Variants in ANO4 observed in about 807,000 individuals in gnomAD.
The protein encoded by ANO4 is anoctamin 4, also known as anoctamin-4.
In ANO4, 69 loss-of-function variants were observed where a neutral mutation model predicts 141.9. The ratio of observed to expected loss-of-function variants is 0.49; its 90% CI spans 0.40 to 0.59. ANO4 has a LOEUF of 0.59. Among genes scored for constraint, ANO4 ranks in the 20% least tolerant of loss-of-function variants. ANO4 has a pLI of 0.00. For synonymous variants in ANO4, 350 were observed against 394.3 expected (o/e 0.89, Z 1.33); for missense variants, 894 against 1,162.2 (o/e 0.77, Z 3.36).
chr12:100,872,290 A>T (rs747415615), intron 1 of ANO4, among the ~76,000 whole-genome samples: 1 of 152,074 alleles, frequency 6.6e-6, no homozygotes, highest in Non-Finnish European at 1.5e-5. Flanking sequence ...TCACAACATG[A>T]TGGATCCTGT....
At chr12:100,866,626 C>G (rs772301267) in intron 1 of ANO4, among the ~76,000 whole-genome samples, 14 of 152,096 alleles carry the variant, frequency 9.2e-5, no homozygotes, top group Admixed American at 7.2e-4. Context: ...TAGGGGCTGT[C>G]TTTGCTTCCA....
chr12:101,043,859 C>A (rs2047517034), intron 13 of ANO4, among the ~76,000 whole-genome samples: 1 of 152,156 alleles, frequency 6.6e-6, no homozygotes, highest in African/African-American at 2.4e-5. Context: ...TGCAGCATGG[C>A]ACAGTGTGAG....
intron 1 of ANO4, chr12:100,733,699 A>G: frequency 1.6e-6 from 1 of 643,198 alleles, no homozygotes; most frequent in Non-Finnish European, 2.8e-6. Flanking sequence ...ATTTACCACC[A>G]GTCATATATT....
chr12:100,954,733 C>G (rs59475980), intron 5 of ANO4, among the ~76,000 whole-genome samples: 3,253 of 152,274 alleles, frequency 0.021, 106 homozygotes, highest in African/African-American at 0.074. Flanking sequence ...GCCTTTGAGA[C>G]AGAGGAGCAG....
chr12:100,802,368 C>A (rs2034750227), intron 1 of ANO4, among the ~76,000 whole-genome samples: 1 of 152,070 alleles, frequency 6.6e-6, no homozygotes, highest in East Asian at 1.9e-4. Flanking sequence ...AATATGATTT[C>A]TGCTTGCCTT....
intron 1 of ANO4, among the ~76,000 whole-genome samples, chr12:100,862,423 G>A (rs1389994185): frequency 6.6e-6 from 1 of 152,188 alleles, no homozygotes; most frequent in African/African-American, 2.4e-5. Flanking sequence ...CCAGGTTCAA[G>A]TGATTCTCTT....
intron 1 of ANO4, among the ~76,000 whole-genome samples, chr12:100,889,740 C>T (rs1419682984): frequency 1.3e-5 from 2 of 152,158 alleles, no homozygotes; most frequent in South Asian, 2.1e-4. Flanking sequence ...CAGGAAACAA[C>T]AGGTGCTGGA....
intron 8 of ANO4, among the ~76,000 whole-genome samples, chr12:100,993,499 A>G (rs1045511272): frequency 2.6e-5 from 4 of 152,104 alleles, no homozygotes; most frequent in Admixed American, 2.6e-4. Flanking sequence ...AGGCGAGGCT[A>G]CCTGTCTAAA....
intron 21 of ANO4, 40 bp downstream of exon 21, chr12:101,097,985 T>C (rs756585582): frequency 2.5e-6 from 4 of 1,570,058 alleles, no homozygotes; most frequent in African/African-American, 1.4e-5. Flanking sequence ...GCAGCATTGC[T>C]CATTATTGGC....
intron 3 of ANO4, among the ~76,000 whole-genome samples, chr12:100,931,069 C>T (rs1411525968): frequency 1.3e-5 from 2 of 152,060 alleles, no homozygotes; most frequent in East Asian, 1.9e-4. Flanking sequence ...AAACTTAAAC[C>T]TCCTTTTTTC....
chr12:100,850,879 A>G (rs953440947), intron 1 of ANO4, among the ~76,000 whole-genome samples: 3 of 152,178 alleles, frequency 2.0e-5, no homozygotes, highest in Non-Finnish European at 4.4e-5. Context: ...TATGAAAATT[A>G]CATATTTTTT....
chr12:101,094,285 G>T lies in ANO4; in HGVS notation c.1731G>T (p.Thr577=). Residue 577 remains threonine (T), a synonymous_variant, in exon 18 of 28, where the codon ACG becomes ACT. Coordinates refer to ENST00000392977, the MANE Select transcript of ANO4 (RefSeq NM_001286615.2). ...VLYEKVALLL[T]NLEQPRTESE... is the part of the protein sequence containing the mutation. ...ATGAAAAAGTTGCCCTGCTTCTGAC[G>T]AATTTAGGTGAGTGGAATCCTTTCT... The T allele has an allele frequency of 6.2e-7, 1 of 1,609,764 alleles. No homozygotes were observed. The highest frequency in any genetic ancestry group is 1.7e-5 in the Admixed American group (1 of 59,932).
chr12:100,730,317 C>G (rs577525115), intron 1 of ANO4, among the ~76,000 whole-genome samples: 3 of 151,984 alleles, frequency 2.0e-5, no homozygotes, highest in Non-Finnish European at 4.4e-5. Context: ...TCCCCTGCCC[C>G]CCAAGAGTGA....
intron 7 of ANO4, among the ~76,000 whole-genome samples, chr12:100,985,339 A>G (rs2044661847): frequency 6.6e-6 from 1 of 152,236 alleles, no homozygotes; most frequent in Non-Finnish European, 1.5e-5. Context: ...ATTTTTGGAA[A>G]AAAGAGAAAA....
intron 3 of ANO4, among the ~76,000 whole-genome samples, chr12:100,788,608 T>C (rs957398550): frequency 1.3e-5 from 2 of 152,222 alleles, no homozygotes; most frequent in Non-Finnish European, 2.9e-5. Flanking sequence ...GAGTCAGAGA[T>C]AGCTGGAATT....
chr12:100,834,594 G>A (rs1351714191), intron 1 of ANO4, among the ~76,000 whole-genome samples: 2 of 152,088 alleles, frequency 1.3e-5, no homozygotes, highest in South Asian at 2.1e-4. Context: ...GTATATAGCA[G>A]TGTATACATA....
intron 8 of ANO4, among the ~76,000 whole-genome samples, chr12:100,989,364 T>C (rs2044929909): frequency 6.6e-6 from 1 of 152,244 alleles, no homozygotes; most frequent in Non-Finnish European, 1.5e-5. Context: ...GTCTCTCTTG[T>C]TCATCTTGGA....
intron 3 of ANO4, among the ~76,000 whole-genome samples, chr12:100,936,379 C>T (rs1224146874): frequency 6.6e-6 from 1 of 152,252 alleles, no homozygotes; most frequent in South Asian, 2.1e-4. Context: ...CTTTCACTGT[C>T]CCCCTCTCCC....
chr12:100,972,578 G>A lies in ANO4; in HGVS notation c.557+1172G>A, dbSNP rs140398400. On this transcript the variant is annotated intron_variant, in intron 6 of 27. Coordinates refer to ENST00000392977, the MANE Select transcript of ANO4 (RefSeq NM_001286615.2). Reference sequence around the variant, plus strand: ...CTGAGAACTCAAGGATTAAAAAAAGGAATACATATATATATCCACTAGGGA... The same window carrying A: ...CTGAGAACTCAAGGATTAAAAAAAGAAATACATATATATATCCACTAGGGA... Among the ~76,000 whole-genome samples, 373 of 152,044 alleles carry A rather than the reference G, an allele frequency of 2.5e-3. 1 individual carries two copies. The highest frequency in any genetic ancestry group is 8.3e-3 in the African/African-American group (344 of 41,460).
Sources: gnomAD v4.1 joint callset for allele counts (sites outside exome capture counted in the v4.1 genomes callset) on GRCh38, gnomAD v4.1.1 for gene constraint, MANE v1.5 for transcripts, NCBI Gene and HGNC (gene_info 2026-07-23, HGNC 2026-07-21) for gene names.